DIP2B: variants seen among roughly 807,000 people sequenced by gnomAD.
DIP2B encodes the protein DIP2 acetate--CoA ligase B (putative).
DIP2B carries 76 observed loss-of-function variants against 198.0 expected under a neutral mutation model. That is an observed-to-expected ratio of 0.38 (90% CI 0.32 to 0.46). The LOEUF is 0.46. Among genes scored for constraint, DIP2B ranks in the 20% least tolerant of loss-of-function variants. The pLI is 0.99. For synonymous variants in DIP2B, 701 were observed against 739.1 expected, an observed-to-expected ratio of 0.95 and a Z score of 0.84; for missense variants, 1,559 against 1,978.4, an observed-to-expected ratio of 0.79 and a Z score of 4.02.
In DIP2B at chr12:50,669,714, T is replaced by A. The variant is rs114966214; in HGVS notation, c.428-1472T>A. 2.9e-3 allele frequency among the ~76,000 whole-genome samples: 442 copies of A among 152,278 alleles called. 5 individuals carry two copies. Among genetic ancestry groups the A allele is most frequent in the African/African-American group, 0.01 (420 of 41,562 alleles). ...TACTGGGATTACAGGCCTGAGCCACTGCATCCGGCCCATTATTTTAACTTT... is the reference window on the plus strand; with the variant it reads ...TACTGGGATTACAGGCCTGAGCCACAGCATCCGGCCCATTATTTTAACTTT... On this transcript the variant is annotated intron_variant, in intron 4 of 37. Transcript: ENST00000301180.
At chr12:50,636,417 T>G (rs1197957655) in intron 2 of DIP2B, among the ~76,000 whole-genome samples, 1 of 152,234 alleles carries the variant, frequency 6.6e-6, no homozygotes, top group Non-Finnish European at 1.5e-5. Context: ...GGAATCACTA[T>G]GAATTGGAGC....
At chr12:50,731,567 C>A in intron 31 of DIP2B, 30 bp downstream of exon 31, 1 of 1,590,354 alleles carries the variant, frequency 6.3e-7, no homozygotes, top group East Asian at 2.2e-5. Flanking sequence ...GGTGGCCAGT[C>A]CCAAAAGGTT....
At position 50,697,080 on chromosome 12, in the gene DIP2B, T is replaced by C; in HGVS notation, c.1953T>C (p.Asp651=). 6.2e-7 allele frequency: 1 copy of C among 1,614,102 alleles called. No individual in the cohort carries two copies. The change falls in exon 17 of 38, where the codon GAT becomes GAC. Residue 651 remains aspartate, a synonymous_variant. Transcript: ENST00000301180. ...CCTTAGGGTCCGTGTCATCCTGTGATGCCTTCCTGAGTCTGTTCCAAAGTC... is the reference window on the plus strand; with the variant it reads ...CCTTAGGGTCCGTGTCATCCTGTGACGCCTTCCTGAGTCTGTTCCAAAGTC... The part of the protein sequence containing the change: ...GANPWSVSSC[D]AFLSLFQSHG...
At position 50,746,459 on chromosome 12, in the gene DIP2B, C is replaced by T. The variant is rs1256343290; in HGVS notation, c.*1620C>T. On this transcript the variant is annotated 3_prime_UTR_variant, in exon 38 of 38. Coordinates refer to ENST00000301180, the MANE Select transcript of DIP2B (RefSeq NM_173602.3). ...AAAATAAGGTTTATAATGCAAAGAC[C>T]AGCTCCTTTGCGGTGGCAGTGCTCT... is the stretch of plus-strand genomic sequence containing the variant. 6.6e-6 allele frequency: 1 copy of T among 152,042 alleles called. No homozygotes were observed. Among genetic ancestry groups the T allele is most frequent in the Admixed American group, 6.6e-5 (1 of 15,246 alleles). The allele number at this position is 152,042 out of a possible 1,614,324, so 9.4% of individuals were successfully genotyped here.
In DIP2B at chr12:50,716,958, C is replaced by CTT. The variant is rs4026694; in HGVS notation, c.2852-1729_2852-1728dup. Among the ~76,000 whole-genome samples the CTT allele has an allele frequency of 9.8e-4, 58 of 58,924 alleles. 8 individuals carry two copies. Among genetic ancestry groups the CTT allele is most frequent in the African/African-American group, 2.2e-3 (35 of 16,228 alleles). The allele number at this position is 58,924 out of a possible 152,430, so 38.7% of individuals were successfully genotyped here. On this transcript the variant is annotated intron_variant, in intron 23 of 37. Transcript: ENST00000301180. The stretch of plus-strand genomic sequence containing the variant: ...CCTATCCTAGATTTACGAATTGTTG[C>CTT]TTTTTTTTTTTTTTTTTTTTTTTGA...
chr12:50,584,821 C>T (rs918253042), intron 1 of DIP2B, among the ~76,000 whole-genome samples: 2 of 152,194 alleles, frequency 1.3e-5, no homozygotes, highest in African/African-American at 4.8e-5. Context: ...ACCTCTGCCT[C>T]CTAAAGTGTT....
chr12:50,725,835 C>G (rs1939922744), intron 28 of DIP2B, among the ~76,000 whole-genome samples: 1 of 151,284 alleles, frequency 6.6e-6, no homozygotes, highest in African/African-American at 2.4e-5. Context: ...AGCCTCTTAA[C>G]CATTAATGTC....
At chr12:50,529,670 T>C (rs1958198218) in intron 1 of DIP2B, among the ~76,000 whole-genome samples, 1 of 152,050 alleles carries the variant, frequency 6.6e-6, no homozygotes, top group African/African-American at 2.4e-5. Context: ...TGGGGATTTG[T>C]ATTGATGTTC....
intron 20 of DIP2B, among the ~76,000 whole-genome samples, chr12:50,705,822 A>G (rs1229595147): frequency 6.6e-6 from 1 of 152,216 alleles, no homozygotes; most frequent in Non-Finnish European, 1.5e-5. Flanking sequence ...TGTGCTTAGT[A>G]AATCAGTGAG....
At chr12:50,511,419 A>G (rs948921396) in intron 1 of DIP2B, among the ~76,000 whole-genome samples, 7 of 147,070 alleles carry the variant, frequency 4.8e-5, no homozygotes, top group East Asian at 2.0e-4. Context: ...AGCCTCCCCA[A>G]TAGCTGGGAC....
At chr12:50,734,034 TG>T in intron 32 of DIP2B, 100 bp from the exon 33 acceptor site, 2 of 1,225,568 alleles carry the variant, frequency 1.6e-6, no homozygotes, top group South Asian at 1.2e-5. Context: ...GTGAAAAGAG[TG>T]TGGATTTTTC....
rs1048643987 is a variant in DIP2B at position 50,708,485 on chromosome 12, C to T, written c.2572C>T (p.Arg858Cys). ...VFSVSVFYDERIVVVAEQRPD... is the reference protein window; with the variant it reads ...VFSVSVFYDECIVVVAEQRPD... ...TTCTGTGTCTGTATTTTATGATGAGCGCATTGTGGTGGTTGCGGAACAAAG... is the reference window on the plus strand; with the variant it reads ...TTCTGTGTCTGTATTTTATGATGAGTGCATTGTGGTGGTTGCGGAACAAAG... The change falls in exon 22 of 38, where the codon CGC becomes TGC. Residue 858 changes from arginine to cysteine, a missense_variant. Coordinates refer to ENST00000301180, the MANE Select transcript of DIP2B (RefSeq NM_173602.3). The T allele has an allele frequency of 3.1e-6, 5 of 1,607,458 alleles. No homozygotes were observed. Among genetic ancestry groups the T allele is most frequent in the Admixed American group, 1.7e-5 (1 of 59,102 alleles).
At chr12:50,507,593 C>T (rs1010599789) in intron 1 of DIP2B, among the ~76,000 whole-genome samples, 2 of 152,012 alleles carry the variant, frequency 1.3e-5, no homozygotes, top group Admixed American at 6.6e-5. Context: ...ACACTGTTGC[C>T]CGATTTTAGC....
chr12:50,578,988 A>G (rs982880636), intron 1 of DIP2B, among the ~76,000 whole-genome samples: 1 of 152,190 alleles, frequency 6.6e-6, no homozygotes, highest in African/African-American at 2.4e-5. Flanking sequence ...GCACAAATCA[A>G]GGTAGTGGCA....
intron 1 of DIP2B, among the ~76,000 whole-genome samples, chr12:50,552,212 G>C (rs1958432582): frequency 6.6e-6 from 1 of 151,688 alleles, no homozygotes; most frequent in Admixed American, 6.6e-5. Context: ...GGTCTGTTCA[G>C]ATCCTTTGCC....
rs769806499 is a variant in DIP2B, at chr12:50,719,083, C to A, written c.3042+48C>A. 8 of 1,574,272 alleles carry A rather than the reference C, an allele frequency of 5.1e-6. No homozygotes were observed. In the East Asian group the frequency reaches 1.1e-4, roughly 22 times the overall value. The stretch of plus-strand genomic sequence containing the variant: ...TCTAATCAGCTGACTACTATAGGAC[C>A]ATCTTAGGCACTCTTGATCTCTTTC... On this transcript the variant is annotated intron_variant, in intron 25 of 37. Coordinates refer to ENST00000301180, the MANE Select transcript of DIP2B (RefSeq NM_173602.3).
chr12:50,575,481 C>T (rs1958651236), intron 1 of DIP2B, among the ~76,000 whole-genome samples: 1 of 151,780 alleles, frequency 6.6e-6, no homozygotes, highest in African/African-American at 2.4e-5. Context: ...TTCCCAGGCT[C>T]AAGCCATCCT....
At chr12:50,644,229 T>C (rs1419887702) in intron 3 of DIP2B, among the ~76,000 whole-genome samples, 1 of 152,194 alleles carries the variant, frequency 6.6e-6, no homozygotes, top group African/African-American at 2.4e-5. Context: ...TATTTCTTTT[T>C]CCTGCACATC....
At chr12:50,613,325 C>T (rs186898126) in intron 1 of DIP2B, among the ~76,000 whole-genome samples, 23 of 152,240 alleles carry the variant, frequency 1.5e-4, no homozygotes, top group Non-Finnish European at 2.4e-4. Context: ...GTACCTAGAA[C>T]GAAATAGGCA....
Sources: gnomAD v4.1 joint callset for allele counts (sites outside exome capture counted in the v4.1 genomes callset) on GRCh38, gnomAD v4.1.1 for gene constraint, MANE v1.5 for transcripts, NCBI Gene and HGNC (gene_info 2026-07-23, HGNC 2026-07-21) for gene names.